Variants in AFM observed in about 807,000 individuals in gnomAD.
The protein encoded by AFM is afamin.
In AFM, 82 loss-of-function variants were observed where a neutral mutation model predicts 68.7. That is an observed-to-expected ratio of 1.19 (90% CI 1.00 to 1.43). AFM has a LOEUF of 1.43. Among genes scored for constraint, AFM ranks in the 40% most tolerant of loss-of-function variants. The pLI is 0.00. For synonymous variants in AFM, 250 were observed against 234.2 expected (o/e 1.07, Z -0.61); for missense variants, 772 against 701.8 (o/e 1.10, Z -1.13).
intron 1 of AFM, among the ~76,000 whole-genome samples, chr4:73,482,262 A>G (rs1234388113): frequency 6.6e-6 from 1 of 152,276 alleles, no homozygotes; most frequent in African/African-American, 2.4e-5. Flanking sequence ...CTATATCTTT[A>G]TGGAATGCAG....
In AFM at chr4:73,486,057, G is replaced by T. The variant is rs1439029028; in HGVS notation, c.466G>T (p.Glu156Ter). The change falls in exon 4 of 15, where the codon GAA (glutamate) becomes TAA (stop). Residue 156 changes from glutamate to a stop codon, truncating the protein, a stop_gained. Coordinates refer to ENST00000226355, the MANE Select transcript of AFM (RefSeq NM_001133.2). LOFTEE classifies it high-confidence loss of function. ...EKCQAYESNR[E>*]SLLNHFLYEV... ...ATGCCAGGCTTATGAAAGTAACAGAGAATCCCTTTTAAATCAGTAAGTTTA... is the reference window on the plus strand; with the variant it reads ...ATGCCAGGCTTATGAAAGTAACAGATAATCCCTTTTAAATCAGTAAGTTTA... 30 of 1,613,522 alleles carry T rather than the reference G, an allele frequency of 1.9e-5. No homozygotes were observed. In the East Asian group the frequency reaches 6.7e-4, roughly 36 times the overall value.
At chr4:73,498,422 G>A (rs965881751) in intron 10 of AFM, among the ~76,000 whole-genome samples, 56 of 152,030 alleles carry the variant, frequency 3.7e-4, no homozygotes, top group African/African-American at 1.4e-3. Context: ...AGTAGCTAGG[G>A]CTACAGACGT....
Position 73,500,583 on chromosome 4 carries a change from G to T in AFM, c.1646+356G>T, listed in dbSNP as rs372688627. 8.5e-5 allele frequency among the ~76,000 whole-genome samples: 13 copies of T among 152,200 alleles called. No individual in the cohort carries two copies. The East Asian group carries it at 2.1e-3, about 25-fold the overall frequency. ...GTGTTTACAAAGGAGAGGCCTAAAG[G>T]GCCAGGAAGTTTACTTTCATTTTCT... On this transcript the variant is annotated intron_variant, in intron 12 of 14. Transcript: ENST00000226355.
At chr4:73,486,832 T>C in intron 4 of AFM, 135 bp from the exon 5 acceptor site, 1 of 889,560 alleles carries the variant, frequency 1.1e-6, no homozygotes, top group East Asian at 2.6e-5. Context: ...AACTTGCTCT[T>C]CTTGTCTCTT....
Position 73,488,771 on chromosome 4 carries a change from C to T in AFM, c.843+12C>T. The T allele has an allele frequency of 6.3e-7, 1 of 1,597,406 alleles. No individual in the cohort carries two copies. The highest frequency in any genetic ancestry group is 8.5e-7 in the Non-Finnish European group (1 of 1,175,064). On this transcript the variant is annotated intron_variant, in intron 7 of 14. Coordinates refer to ENST00000226355, the MANE Select transcript of AFM (RefSeq NM_001133.2). ...GCATCCGTGACACGGTGAATATTCT[C>T]TAAAACCAAGTTAAAATAGTGATTT... is the stretch of plus-strand genomic sequence containing the variant.
intron 8 of AFM, 87 bp downstream of exon 8, chr4:73,492,173 A>C: frequency 8.2e-7 from 1 of 1,215,574 alleles, no homozygotes; most frequent in Non-Finnish European, 1.2e-6. Context: ...GTGGAAGGAC[A>C]TGGTACCGTT....
At chr4:73,487,163 T>G in intron 5 of AFM, 64 bp downstream of exon 5, 1 of 1,547,880 alleles carries the variant, frequency 6.5e-7, no homozygotes, top group Non-Finnish European at 8.8e-7. Context: ...ATCCAGACCC[T>G]GACTTATATT....
chr4:73,500,104 C>T lies in AFM; in HGVS notation c.1523C>T (p.Pro508Leu), dbSNP rs904580299. Residue 508 changes from proline to leucine, a missense_variant, in exon 12 of 15, where the codon CCC (proline) becomes CTC (leucine). By Grantham distance (98) the Pro-to-Leu change is moderately conservative. Transcript: ENST00000226355. ...AAAACAAACTTTGCCTTCAGAAGGC[C>T]CTGCTTTGAGAGTTTGAAAGCTGAT... ...CCKTNFAFRR[P>L]CFESLKADKT... 6.2e-7 allele frequency: 1 copy of T among 1,613,882 alleles called. No homozygotes were observed. The highest frequency in any genetic ancestry group is 1.3e-5 in the African/African-American group (1 of 74,918).
intron 7 of AFM, among the ~76,000 whole-genome samples, chr4:73,489,578 G>A (rs563692403): frequency 3.9e-5 from 6 of 152,260 alleles, no homozygotes; most frequent in Admixed American, 2.0e-4. Context: ...TCACTATGAT[G>A]TACAAGAGAT....
chr4:73,492,541 A>G (rs1311494069), intron 8 of AFM, among the ~76,000 whole-genome samples: 1 of 152,078 alleles, frequency 6.6e-6, no homozygotes, highest in East Asian at 1.9e-4. Context: ...TACAACTGTT[A>G]AGGGGAAGAC....
At chr4:73,482,767 C>G (rs1250540293) in intron 1 of AFM, among the ~76,000 whole-genome samples, 2 of 152,136 alleles carry the variant, frequency 1.3e-5, no homozygotes, top group Non-Finnish European at 2.9e-5. Flanking sequence ...TCCCATCCAC[C>G]CTTCTTTTGC....
chr4:73,494,933 G>C (rs931124164), intron 8 of AFM, among the ~76,000 whole-genome samples: 1 of 152,210 alleles, frequency 6.6e-6, no homozygotes, highest in Non-Finnish European at 1.5e-5. Context: ...AGCATGTCAA[G>C]TTGGAAATCT....
Position 73,481,849 on chromosome 4 carries a change from A to C in AFM, c.74A>C (p.Gln25Pro). ...FLTESLTLPTQPRDIENFNST... is the reference protein window; with the variant it reads ...FLTESLTLPTPPRDIENFNST... The stretch of plus-strand genomic sequence containing the variant: ...ACTGAATCCCTAACCCTGCCCACAC[A>C]ACCTCGGGATATAGGTAAGAAATTT... Residue 25 changes from glutamine (Q) to proline (P), a missense_variant, in exon 1 of 15, where the codon CAA becomes CCA. By Grantham distance (76) the Gln-to-Pro change is moderately conservative (BLOSUM62 -1). Transcript: ENST00000226355. 1 of 1,603,426 alleles carries C rather than the reference A, an allele frequency of 6.2e-7. No individual in the cohort carries two copies. Among genetic ancestry groups the C allele is most frequent in the Non-Finnish European group, 8.5e-7 (1 of 1,173,502 alleles).
In AFM at chr4:73,488,729, A is replaced by G. The variant is rs780135373; in HGVS notation, c.813A>G (p.Glu271=). Residue 271 remains glutamate (E), a synonymous_variant, in exon 7 of 15, where the codon GAA becomes GAG. Coordinates refer to ENST00000226355, the MANE Select transcript of AFM (RefSeq NM_001133.2). ...CTTCCAACTATGATGGATGCTGTGA[A>G]GGGGATGTTGTGCAGTGCATCCGTG... ...DVSSNYDGCC[E]GDVVQCIRDT... The G allele has an allele frequency of 6.2e-7, 1 of 1,613,180 alleles. No individual in the cohort carries two copies. The highest frequency in any genetic ancestry group is 1.3e-5 in the African/African-American group (1 of 74,914).
chr4:73,491,596 G>T (rs1023050876), intron 7 of AFM, among the ~76,000 whole-genome samples: 2 of 152,088 alleles, frequency 1.3e-5, no homozygotes, highest in African/African-American at 4.8e-5. Flanking sequence ...GTGTAGGAGG[G>T]TTATTTAAAA....
intron 12 of AFM, 113 bp downstream of exon 12, chr4:73,500,340 C>G: frequency 1.0e-6 from 1 of 958,092 alleles, no homozygotes; most frequent in Non-Finnish European, 1.5e-6. Flanking sequence ...CCTGTTCCTT[C>G]CACCAAATTG....
chr4:73,492,060 T>C lies in AFM; in HGVS notation c.1032T>C (p.Asp344=). ...TDSENVCQER[D]ADPDTFFAKF... is the part of the protein sequence containing the mutation. ...GTGAAAATGTGTGTCAAGAACGAGA[T>C]GCTGACCCAGACACCTTCTTTGCGA... The change falls in exon 8 of 15, where the codon GAT becomes GAC. Residue 344 remains aspartate (D), a synonymous_variant. Transcript: ENST00000226355. The C allele has an allele frequency of 6.2e-7, 1 of 1,612,002 alleles. No homozygotes were observed. The highest frequency in any genetic ancestry group is 8.5e-7 in the Non-Finnish European group (1 of 1,179,558).
chr4:73,489,661 C>G (rs1200093188), intron 7 of AFM, among the ~76,000 whole-genome samples: 1 of 152,162 alleles, frequency 6.6e-6, no homozygotes, highest in Non-Finnish European at 1.5e-5. Flanking sequence ...TTCCCAGCCT[C>G]TAGAAATCTT....
chr4:73,502,654 C>G (rs138388330), intron 13 of AFM, among the ~76,000 whole-genome samples: 14 of 152,330 alleles, frequency 9.2e-5, no homozygotes, highest in African/African-American at 3.4e-4. Context: ...CATGTAAACT[C>G]ACAGGCAGAC....
Sources: gnomAD v4.1 joint callset for allele counts (sites outside exome capture counted in the v4.1 genomes callset) on GRCh38, gnomAD v4.1.1 for gene constraint, MANE v1.5 for transcripts, NCBI Gene and HGNC (gene_info 2026-07-23, HGNC 2026-07-21) for gene names.